The following AMPH variants were observed in gnomAD, a reference collection of about 807,000 sequenced individuals.
The protein encoded by AMPH is amphiphysin (Stiff-Mann syndrome with breast cancer 128kD autoantigen).
In AMPH, 49 loss-of-function variants were observed where a neutral mutation model predicts 99.1. The observed-to-expected ratio is 0.49, with a 90% CI of 0.39 to 0.63. The LOEUF (loss-of-function observed/expected upper bound fraction) is 0.63, where lower values mean the gene tolerates loss of function less well. AMPH is among the 20% of genes least tolerant of loss of function. The probability of loss-of-function intolerance (pLI) is 0.00; values close to 1 mark genes in which losing one functional copy is unlikely to be tolerated. For missense variants in AMPH, 759 were observed against 863.4 expected, an observed-to-expected ratio of 0.88 and a Z score of 1.52; for synonymous variants, 314 against 317.3, an observed-to-expected ratio of 0.99 and a Z score of 0.11.
chr7:38,478,870 G>C (rs1255863321), intron 5 of AMPH, among the ~76,000 whole-genome samples: 5 of 151,794 alleles, frequency 3.3e-5, no homozygotes. Flanking sequence ...AAAAAGCTGA[G>C]GAAATAAATA....
At position 38,486,159 on chromosome 7, in the gene AMPH, G is replaced by GTT. The variant is rs35881285; in HGVS notation, c.396+4889_396+4890dup. On this transcript the variant is annotated intron_variant, in intron 5 of 20. Transcript: ENST00000356264. ...ACAGGAAAAATCAAGGTAACTATGA[G>GTT]TTTTTTTTTTTTTTGAGCAGATAAA... Among the ~76,000 whole-genome samples, 196 of 141,932 alleles carry GTT rather than the reference G, an allele frequency of 1.4e-3. 1 individual carries two copies. Among genetic ancestry groups the GTT allele is most frequent in the Middle Eastern group, 3.6e-3 (1 of 276 alleles). 93.1% of individuals were successfully genotyped at this position (141,932 alleles called of 152,430 possible).
At chr7:38,598,359 G>GTGGCATGATCTCAGCGCAA (rs1193796526) in intron 1 of AMPH, among the ~76,000 whole-genome samples, 1 of 152,092 alleles carries the variant, frequency 6.6e-6, no homozygotes, top group African/African-American at 2.4e-5. Flanking sequence ...TCTCAGCGCA[G>GTGGCATGATCTCAGCGCAA]TGGCATGATC....
intron 2 of AMPH, among the ~76,000 whole-genome samples, chr7:38,525,731 A>C (rs933174676): frequency 1.3e-5 from 2 of 152,154 alleles, no homozygotes; most frequent in African/African-American, 4.8e-5. Context: ...TTTTTCACTC[A>C]GAATAATTCC....
chr7:38,491,086 T>A lies in AMPH; in HGVS notation c.360A>T (p.Thr120=). The A allele has an allele frequency of 6.2e-7, 1 of 1,613,100 alleles. No individual in the cohort carries two copies. The highest frequency in any genetic ancestry group is 1.3e-5 in the African/African-American group (1 of 74,996). ...HQKLVDGSLL[T]LDTYLGQFPD... ...GAAATTGCCCCAGGTAGGTATCCAG[T>A]GTTAGCAAGGACCCATCCACGAGTT... The change falls in exon 5 of 21, where the codon ACA becomes ACT. Residue 120 remains threonine (T), a synonymous_variant. Coordinates refer to ENST00000356264, the MANE Select transcript of AMPH (RefSeq NM_001635.4).
chr7:38,391,499 A>ACT (rs1784491850), intron 19 of AMPH, among the ~76,000 whole-genome samples: 1 of 151,140 alleles, frequency 6.6e-6, no homozygotes, highest in Admixed American at 6.6e-5. Context: ...GCTGGAAAAG[A>ACT]CTCTCCCATT....
intron 17 of AMPH, among the ~76,000 whole-genome samples, chr7:38,402,050 CTA>C (rs1784855876): frequency 6.6e-6 from 1 of 152,126 alleles, no homozygotes; most frequent in Admixed American, 6.5e-5. Context: ...AATCGATTCT[CTA>C]TAGTGTTGCT....
At chr7:38,386,905 G>A (rs1265841190) in intron 20 of AMPH, among the ~76,000 whole-genome samples, 1 of 152,210 alleles carries the variant, frequency 6.6e-6, no homozygotes, top group Non-Finnish European at 1.5e-5. Context: ...TCAGTGTGAT[G>A]TGGGGCATTC....
chr7:38,488,995 T>C (rs1180919493), intron 5 of AMPH, among the ~76,000 whole-genome samples: 1 of 152,092 alleles, frequency 6.6e-6, no homozygotes, highest in Non-Finnish European at 1.5e-5. Context: ...TTTTTTTAAT[T>C]CTAAAATTCA....
intron 1 of AMPH, among the ~76,000 whole-genome samples, chr7:38,589,892 C>T (rs547312964): frequency 1.3e-5 from 2 of 152,306 alleles, no homozygotes; most frequent in African/African-American, 4.8e-5. Flanking sequence ...TAAAACAATT[C>T]AGTGGGTGGA....
rs1221563180 is a variant in AMPH, at chr7:38,442,727, C to T, written c.1018-6339G>A. Among the ~76,000 whole-genome samples the T allele has an allele frequency of 4.0e-4, 61 of 151,966 alleles. 3 individuals carry two copies. Among genetic ancestry groups the T allele is most frequent in the Admixed American group, 4.0e-3 (61 of 15,246 alleles). ...TACGGAAAATTTATAGCACTAAACTCCCATATAAGAAAACAAAAAGGTCCG... is the reference window on the plus strand; with the variant it reads ...TACGGAAAATTTATAGCACTAAACTTCCATATAAGAAAACAAAAAGGTCCG... On this transcript the variant is annotated intron_variant, in intron 11 of 20. Transcript: ENST00000356264.
intron 1 of AMPH, among the ~76,000 whole-genome samples, chr7:38,541,544 C>T (rs1442202323): frequency 6.6e-6 from 1 of 152,226 alleles, no homozygotes; most frequent in African/African-American, 2.4e-5. Context: ...ACCACTATGA[C>T]ATCTACTTCT....
At chr7:38,428,262 C>G (rs1004844303) in intron 14 of AMPH, 10 of 456,574 alleles carry the variant, frequency 2.2e-5, no homozygotes, top group African/African-American at 1.4e-4. Context: ...CCAGATTTGA[C>G]CTGGATCTGT....
intron 1 of AMPH, among the ~76,000 whole-genome samples, chr7:38,561,018 C>G (rs1052114558): frequency 6.6e-6 from 1 of 152,198 alleles, no homozygotes; most frequent in African/African-American, 2.4e-5. Flanking sequence ...AACTCTTTCA[C>G]TAGGAAAAGT....
chr7:38,479,149 T>C (rs1025695295), intron 5 of AMPH, among the ~76,000 whole-genome samples: 5 of 151,798 alleles, frequency 3.3e-5, no homozygotes, highest in African/African-American at 4.8e-5. Context: ...TACCAAACAA[T>C]ACACATCTAA....
intron 1 of AMPH, among the ~76,000 whole-genome samples, chr7:38,578,739 G>GCA (rs1792336517): frequency 6.6e-6 from 1 of 152,262 alleles, no homozygotes; most frequent in East Asian, 1.9e-4. Flanking sequence ...CTGCACTCCA[G>GCA]CTTGAGCTAC....
intron 1 of AMPH, among the ~76,000 whole-genome samples, chr7:38,616,746 A>G (rs28479083): frequency 0.08 from 12,213 of 152,258 alleles, 812 homozygotes; most frequent in African/African-American, 0.17. Context: ...TCATAAGAGT[A>G]TATACTATAT....
intron 1 of AMPH, among the ~76,000 whole-genome samples, chr7:38,560,361 A>G (rs1791512444): frequency 6.6e-6 from 1 of 152,170 alleles, no homozygotes; most frequent in Admixed American, 6.5e-5. Context: ...CAGTCCATCC[A>G]GCCCCAGAAA....
At chr7:38,491,007 G>T in intron 5 of AMPH, 43 bp downstream of exon 5, 1 of 1,285,430 alleles carries the variant, frequency 7.8e-7, no homozygotes, top group South Asian at 1.2e-5. Context: ...ATAACTACAT[G>T]ACCCCACTCA....
At chr7:38,459,331 A>G (rs1377872403) in intron 11 of AMPH, among the ~76,000 whole-genome samples, 2 of 152,204 alleles carry the variant, frequency 1.3e-5, no homozygotes, top group African/African-American at 4.8e-5. Context: ...CATTTTCAGC[A>G]GAATTAGAAA....
Sources: gnomAD v4.1 joint callset for allele counts (sites outside exome capture counted in the v4.1 genomes callset) on GRCh38, gnomAD v4.1.1 for gene constraint, MANE v1.5 for transcripts, NCBI Gene and HGNC (gene_info 2026-07-23, HGNC 2026-07-21) for gene names.